The following TYW1B variants were observed in gnomAD, a reference collection of about 807,000 sequenced individuals.
The protein encoded by TYW1B is tRNA-yW synthesizing protein 1 homolog B, also known as S-adenosyl-L-methionine-dependent tRNA 4-demethylwyosine synthase TYW1B.
A neutral mutation model predicts 86.9 loss-of-function variants in TYW1B; 73 were observed. The observed-to-expected ratio is 0.84, with a 90% CI of 0.70 to 1.02. The LOEUF is 1.02. Among genes scored for constraint, TYW1B ranks in the 50% least tolerant of loss-of-function variants. The pLI is 0.00. For synonymous variants in TYW1B, 248 were observed against 292.8 expected (o/e 0.85, Z 1.56); for missense variants, 637 against 827.4 (o/e 0.77, Z 2.82).
chr7:72,578,131 T>G (rs74736754), intron 13 of TYW1B, among the ~76,000 whole-genome samples: 1 of 151,026 alleles, frequency 6.6e-6, no homozygotes, highest in Non-Finnish European at 1.5e-5. Context: ...TTTTTTTTTT[T>G]GAGACGGAGT....
intron 13 of TYW1B, among the ~76,000 whole-genome samples, chr7:72,614,156 C>CT (rs1396344536): frequency 6.6e-6 from 1 of 151,774 alleles, no homozygotes; most frequent in East Asian, 1.9e-4. Flanking sequence ...TATCATTGCA[C>CT]TTTTTTGTAA....
intron 11 of TYW1B, among the ~76,000 whole-genome samples, chr7:72,666,048 T>C (rs1813454289): frequency 1.3e-5 from 2 of 152,172 alleles, no homozygotes; most frequent in South Asian, 2.1e-4. Context: ...GATAAAGTTA[T>C]GCACATAGTA....
chr7:72,674,759 CTTTTTTT>C (rs10712486), intron 11 of TYW1B, among the ~76,000 whole-genome samples: 1 of 134,140 alleles, frequency 7.5e-6, no homozygotes, highest in Admixed American at 7.7e-5. Flanking sequence ...CCTTTTCTCT[CTTTTTTT>C]TTTTTTTTTT....
intron 13 of TYW1B, among the ~76,000 whole-genome samples, chr7:72,586,521 G>A (rs1409611024): frequency 1.3e-5 from 2 of 152,160 alleles, no homozygotes; most frequent in African/African-American, 2.4e-5. Context: ...AGGATCACCT[G>A]AGGTCAGGAG....
intron 13 of TYW1B, among the ~76,000 whole-genome samples, chr7:72,610,611 G>A (rs1297745723): frequency 6.6e-6 from 1 of 152,108 alleles, no homozygotes; most frequent in African/African-American, 2.4e-5. Flanking sequence ...TGCTGGACCT[G>A]AGGGTTATAA....
chr7:72,589,535 G>A (rs1811347670), intron 13 of TYW1B, among the ~76,000 whole-genome samples: 2 of 152,194 alleles, frequency 1.3e-5, no homozygotes, highest in Non-Finnish European at 2.9e-5. Flanking sequence ...AGCTGGGAGT[G>A]CCAGAAACAA....
Position 72,828,111 on chromosome 7 carries a change from C to G in TYW1B, c.-36G>C. ...GCCGACAGGAGACTAGGATCTCGGA[C>G]CTGGAGAGCCCAAAGGTTCGCACTG... On this transcript the variant is annotated 5_prime_UTR_variant, in exon 1 of 14. Coordinates refer to ENST00000620995, the MANE Select transcript of TYW1B (RefSeq NM_001145440.3). 1 of 1,613,278 alleles carries G rather than the reference C, an allele frequency of 6.2e-7. No homozygotes were observed. Among genetic ancestry groups the G allele is most frequent in the Middle Eastern group, 1.6e-4 (1 of 6,062 alleles).
chr7:72,610,600 T>C (rs1272268103), intron 13 of TYW1B, among the ~76,000 whole-genome samples: 5 of 152,070 alleles, frequency 3.3e-5, no homozygotes, highest in African/African-American at 1.2e-4. Context: ...GGTGAAACAG[T>C]TGCTGGACCT....
At chr7:72,741,766 G>T (rs1787308629) in intron 8 of TYW1B, among the ~76,000 whole-genome samples, 1 of 152,090 alleles carries the variant, frequency 6.6e-6, no homozygotes, top group Admixed American at 6.6e-5. Flanking sequence ...CACGTATAAG[G>T]GATCCTTAGT....
chr7:72,671,802 T>G (rs1179575516), intron 11 of TYW1B, among the ~76,000 whole-genome samples: 1 of 151,726 alleles, frequency 6.6e-6, no homozygotes, highest in Non-Finnish European at 1.5e-5. Flanking sequence ...CCAACTTTAT[T>G]CACTTTATTA....
chr7:72,581,337 G>A (rs1350076875), intron 13 of TYW1B, among the ~76,000 whole-genome samples: 1 of 151,458 alleles, frequency 6.6e-6, no homozygotes, highest in Non-Finnish European at 1.5e-5. Context: ...CTACTGACCA[G>A]CCCAAGAAGA....
chr7:72,805,086 C>T (rs572755430), intron 5 of TYW1B, among the ~76,000 whole-genome samples: 1 of 152,114 alleles, frequency 6.6e-6, no homozygotes, highest in African/African-American at 2.4e-5. Flanking sequence ...GCCAGTACTG[C>T]TTGAAAATTA....
chr7:72,810,537 G>A lies in TYW1B; in HGVS notation c.366C>T (p.Tyr122=). 6.2e-7 allele frequency: 1 copy of A among 1,613,776 alleles called. No individual in the cohort carries two copies. Among genetic ancestry groups the A allele is most frequent in the Non-Finnish European group, 8.5e-7 (1 of 1,179,810 alleles). Residue 122 remains tyrosine, a synonymous_variant, in exon 4 of 14, where the codon TAC becomes TAT. Coordinates refer to ENST00000620995, the MANE Select transcript of TYW1B (RefSeq NM_001145440.3). ...ASIDFRFGKT[Y]LKGMRDAVFG... ...ATACCGCATCTCTCATACCCTTCAGGTAAGTTTTGCCAAATCGAAAATCAA... is the reference window on the plus strand; with the variant it reads ...ATACCGCATCTCTCATACCCTTCAGATAAGTTTTGCCAAATCGAAAATCAA...
intron 11 of TYW1B, among the ~76,000 whole-genome samples, chr7:72,688,971 T>A (rs1229032328): frequency 6.6e-6 from 1 of 152,212 alleles, no homozygotes; most frequent in Non-Finnish European, 1.5e-5. Flanking sequence ...GAAAGCAGGA[T>A]AACATTTTAG....
chr7:72,698,988 C>G (rs1379958315), intron 10 of TYW1B, among the ~76,000 whole-genome samples: 2 of 152,148 alleles, frequency 1.3e-5, no homozygotes, highest in Non-Finnish European at 2.9e-5. Context: ...ACGAACTGGA[C>G]ACTGAGGCCA....
chr7:72,819,072 A>G (rs563174106), intron 2 of TYW1B, among the ~76,000 whole-genome samples: 1 of 152,300 alleles, frequency 6.6e-6, no homozygotes, highest in Non-Finnish European at 1.5e-5. Context: ...GCCAAAGCTG[A>G]AGGAACTGGG....
intron 11 of TYW1B, among the ~76,000 whole-genome samples, chr7:72,631,722 T>A (rs1367692201): frequency 6.6e-6 from 1 of 151,998 alleles, no homozygotes; most frequent in Non-Finnish European, 1.5e-5. Context: ...AAAATGAGAT[T>A]AGGCCAGTTA....
intron 11 of TYW1B, among the ~76,000 whole-genome samples, chr7:72,640,714 A>T (rs1554441389): frequency 6.6e-6 from 1 of 152,170 alleles, no homozygotes; most frequent in African/African-American, 2.4e-5. Context: ...AGAAATTAAC[A>T]TAGCCATAGT....
chr7:72,809,350 A>G (rs567976568), intron 4 of TYW1B, among the ~76,000 whole-genome samples: 1 of 152,152 alleles, frequency 6.6e-6, no homozygotes, highest in South Asian at 2.1e-4. Context: ...CAGCCGAAAA[A>G]TTCATTTTTT....
Sources: allele counts gnomAD v4.1 joint callset (sites outside exome capture counted in the v4.1 genomes callset), GRCh38; gene constraint gnomAD v4.1.1; transcripts MANE v1.5; gene names NCBI Gene and HGNC (gene_info 2026-07-23, HGNC 2026-07-21).